Variants in SYTL3 observed in about 807,000 individuals in gnomAD.
SYTL3 encodes the protein synaptotagmin like 3.
In SYTL3, 88 loss-of-function variants were observed where a neutral mutation model predicts 82.1. The ratio of observed to expected loss-of-function variants is 1.07; its 90% confidence interval spans 0.90 to 1.28. SYTL3 has a LOEUF of 1.28. Among genes scored for constraint, SYTL3 ranks in the 50% most tolerant of loss-of-function variants. SYTL3 has a pLI of 0.00. For synonymous variants in SYTL3, 311 were observed against 289.4 expected (o/e 1.07, Z -0.76); for missense variants, 831 against 757.6 (o/e 1.10, Z -1.14).
At chr6:158,723,873 A>T (rs1000303496) in intron 10 of SYTL3, among the ~76,000 whole-genome samples, 2 of 152,144 alleles carry the variant, frequency 1.3e-5, no homozygotes, top group African/African-American at 4.8e-5. Flanking sequence ...GTGTCCCCTC[A>T]GACAACATCA....
At position 158,728,292 on chromosome 6, in the gene SYTL3, C is replaced by T. The variant is rs143748713; in HGVS notation, c.855+2655C>T. Reference sequence around the variant, plus strand: ...GAATGGTGTAAGGTAGAGATTGGGGCTCATTTTTTTCCATATGGATATTTA... The same window carrying T: ...GAATGGTGTAAGGTAGAGATTGGGGTTCATTTTTTTCCATATGGATATTTA... On this transcript the variant is annotated intron_variant, in intron 11 of 17. Coordinates refer to ENST00000611299, the MANE Select transcript of SYTL3 (RefSeq NM_001242394.2). Among the ~76,000 whole-genome samples, 48 of 151,528 alleles carry T rather than the reference C, an allele frequency of 3.2e-4. 2 individuals carry two copies. Among genetic ancestry groups the T allele is most frequent in the Admixed American group, 3.2e-3 (48 of 15,168 alleles).
chr6:158,708,649 C>T (rs957548897), intron 8 of SYTL3, among the ~76,000 whole-genome samples: 8 of 152,174 alleles, frequency 5.3e-5, no homozygotes, highest in Non-Finnish European at 5.9e-5. Flanking sequence ...TTACTCTTGG[C>T]ATGGCATCGG....
At chr6:158,751,900 C>T in intron 12 of SYTL3, 28 bp from the exon 13 acceptor site, 2 of 1,547,478 alleles carry the variant, frequency 1.3e-6, no homozygotes, top group Non-Finnish European at 1.8e-6. Context: ...TGAGTTCTCA[C>T]TCTGTCCCCG....
intron 13 of SYTL3, among the ~76,000 whole-genome samples, chr6:158,756,774 T>C (rs1789166516): frequency 6.7e-6 from 1 of 148,710 alleles, no homozygotes. Context: ...GTTATCATTA[T>C]TTTTGGCCAA....
intron 11 of SYTL3, among the ~76,000 whole-genome samples, chr6:158,729,869 GT>G (rs201402477): frequency 4.6e-5 from 6 of 129,870 alleles, no homozygotes; most frequent in East Asian, 2.0e-4. Flanking sequence ...CCCGGCCAAC[GT>G]TTTTTTTTTA....
chr6:158,744,174 C>T (rs1433054505), intron 11 of SYTL3, among the ~76,000 whole-genome samples: 1 of 151,740 alleles, frequency 6.6e-6, no homozygotes, highest in Non-Finnish European at 1.5e-5. Flanking sequence ...TCCTTGGCCT[C>T]CCAAAGTGCT....
At chr6:158,722,611 A>G (rs554756958) in intron 10 of SYTL3, among the ~76,000 whole-genome samples, 1 of 152,172 alleles carries the variant, frequency 6.6e-6, no homozygotes, top group South Asian at 2.1e-4. Flanking sequence ...ATTTTATTGT[A>G]TATGTTATGA....
At chr6:158,660,138 A>G (rs1045014348) in intron 2 of SYTL3, among the ~76,000 whole-genome samples, 1 of 152,052 alleles carries the variant, frequency 6.6e-6, no homozygotes, top group African/African-American at 2.4e-5. Flanking sequence ...GGTGGCGGGC[A>G]CCTGTAATCC....
chr6:158,760,811 A>G, intron 15 of SYTL3, 66 bp downstream of exon 15: 1 of 1,313,282 alleles, frequency 7.6e-7, no homozygotes, highest in Non-Finnish European at 1.1e-6. Context: ...TGCTGCAGGC[A>G]GACTGAGGTG....
intron 14 of SYTL3, among the ~76,000 whole-genome samples, chr6:158,757,603 C>G (rs1263265732): frequency 1.7e-5 from 1 of 60,574 alleles, no homozygotes; most frequent in African/African-American, 6.0e-5. Context: ...ACCCGAACAG[C>G]CCCCGCCTCA....
intron 6 of SYTL3, among the ~76,000 whole-genome samples, chr6:158,700,655 C>G (rs535915800): frequency 3.3e-5 from 5 of 152,078 alleles, no homozygotes; most frequent in Admixed American, 1.3e-4. Context: ...CTTGCTCTGT[C>G]GCCCAGGCTG....
intron 5 of SYTL3, among the ~76,000 whole-genome samples, chr6:158,676,087 G>A (rs1777997713): frequency 6.6e-6 from 1 of 152,194 alleles, no homozygotes; most frequent in Admixed American, 6.5e-5. Flanking sequence ...AAAAGAGCCT[G>A]CATTGCCAAG....
chr6:158,757,289 G>A lies in SYTL3; in HGVS notation c.1216G>A (p.Val406Met), dbSNP rs200058093. ...GCATCTGGGCACGCTGGCCCGGAGA[G>A]TGTTTCTTGGAGAAGTGATCATTCC... ...VWHLGTLARR[V>M]FLGEVIIPLA... The change falls in exon 14 of 18, where the codon GTG becomes ATG. Residue 406 changes from valine (V) to methionine (M), a missense_variant. By Grantham distance (21) the Val-to-Met change is conservative. Coordinates refer to ENST00000611299, the MANE Select transcript of SYTL3 (RefSeq NM_001242394.2). 1.1e-4 allele frequency: 173 copies of A among 1,613,792 alleles called. No individual in the cohort carries two copies. The highest frequency in any genetic ancestry group is 1.6e-4 in the Middle Eastern group (1 of 6,082).
At chr6:158,754,408 A>G (rs959869899) in intron 13 of SYTL3, among the ~76,000 whole-genome samples, 1 of 152,178 alleles carries the variant, frequency 6.6e-6, no homozygotes, top group Non-Finnish European at 1.5e-5. Context: ...GGGCTATGGA[A>G]AATAGGTCTG....
intron 5 of SYTL3, among the ~76,000 whole-genome samples, chr6:158,670,571 C>T (rs317804): frequency 0.18 from 27,384 of 151,764 alleles, 3,642 homozygotes; most frequent in East Asian, 0.68. Context: ...CACTTGACGT[C>T]AGGAGTTCAA....
intron 9 of SYTL3, 142 bp from the exon 10 acceptor site, chr6:158,717,945 C>A: frequency 1.6e-6 from 1 of 640,412 alleles, no homozygotes; most frequent in Non-Finnish European, 2.4e-6. Flanking sequence ...GGGAATGTGC[C>A]GCCCTTGCTC....
intron 8 of SYTL3, among the ~76,000 whole-genome samples, chr6:158,709,214 G>A (rs1242019617): frequency 6.6e-6 from 1 of 152,102 alleles, no homozygotes; most frequent in Non-Finnish European, 1.5e-5. Flanking sequence ...GGGCAACAGA[G>A]CAAGACTCCA....
rs1158799679 is a variant in SYTL3, at chr6:158,702,344, A to AAATT, written c.395-4885_395-4882dup. Among the ~76,000 whole-genome samples the AAATT allele has an allele frequency of 7.8e-4, 118 of 150,958 alleles. 1 individual carries two copies. Among genetic ancestry groups the AAATT allele is most frequent in the Non-Finnish European group, 2.9e-4 (20 of 67,824 alleles). ...TCTGTCTCAAAAAAAAAAAAAAAAA[A>AAATT]AATTTTTTTTTTTTTATAGGACATA... is the stretch of plus-strand genomic sequence containing the variant. On this transcript the variant is annotated intron_variant, in intron 6 of 17. Transcript: ENST00000611299.
chr6:158,672,078 C>A (rs1331458223), intron 5 of SYTL3, among the ~76,000 whole-genome samples: 1 of 152,016 alleles, frequency 6.6e-6, no homozygotes, highest in Non-Finnish European at 1.5e-5. Flanking sequence ...ATTGCCTAAG[C>A]TCAGGAGTTC....
Sources: allele counts gnomAD v4.1 joint callset (sites outside exome capture counted in the v4.1 genomes callset), GRCh38; gene constraint gnomAD v4.1.1; transcripts MANE v1.5; gene names NCBI Gene and HGNC (gene_info 2026-07-23, HGNC 2026-07-21).